The following MICU3 variants were observed in gnomAD, a reference collection of about 807,000 sequenced individuals.
The protein encoded by MICU3 is calcium uptake protein 3, mitochondrial.
Under a neutral mutation model 66.5 loss-of-function variants are expected in MICU3, and 62 were observed. That is an observed-to-expected ratio of 0.93 (90% CI 0.76 to 1.15). MICU3 has a LOEUF of 1.15. Among genes scored for constraint, MICU3 ranks in the 50% most tolerant of loss-of-function variants. The pLI is 0.00. For synonymous variants in MICU3, 308 were observed against 240.7 expected (o/e 1.28, Z -2.59); for missense variants, 779 against 664.4 (o/e 1.17, Z -1.90).
intron 1 of MICU3, among the ~76,000 whole-genome samples, chr8:17,043,456 G>A (rs1252916985): frequency 1.3e-5 from 2 of 152,276 alleles, no homozygotes; most frequent in Non-Finnish European, 2.9e-5. Flanking sequence ...ATTGAGAAAG[G>A]TTTTGAGATA....
chr8:17,041,611 G>A (rs1211633240), intron 1 of MICU3, among the ~76,000 whole-genome samples: 1 of 151,594 alleles, frequency 6.6e-6, no homozygotes, highest in Non-Finnish European at 1.5e-5. Flanking sequence ...TTTTTAAGAT[G>A]GAAGACCCTC....
chr8:17,130,098 A>T, the MICU3 span, among the ~76,000 whole-genome samples: 1 of 152,232 alleles, frequency 6.6e-6, no homozygotes, highest in African/African-American at 2.4e-5. Context: ...TGCACACTGG[A>T]AGAGTTAAAA....
At chr8:17,114,267 A>C (rs1802483307) in intron 12 of MICU3, 66 bp downstream of exon 12, 1 of 1,033,638 alleles carries the variant, frequency 9.7e-7, no homozygotes, top group Non-Finnish European at 1.4e-6. Flanking sequence ...AGATTTTGGC[A>C]ACCAATTAAT....
At chr8:17,087,430 A>G (rs919749010) in intron 7 of MICU3, among the ~76,000 whole-genome samples, 4 of 152,082 alleles carry the variant, frequency 2.6e-5, no homozygotes, top group East Asian at 1.9e-4. Flanking sequence ...ATAGAAGGAG[A>G]TGATATGTTT....
chr8:17,136,837 C>A, the MICU3 span, among the ~76,000 whole-genome samples: 2 of 140,370 alleles, frequency 1.4e-5, no homozygotes, highest in African/African-American at 5.2e-5. Flanking sequence ...GGAGATAAAC[C>A]TTTTTTTTTT....
chr8:17,135,132 G>A, the MICU3 span, among the ~76,000 whole-genome samples: 11 of 152,180 alleles, frequency 7.2e-5, no homozygotes, highest in African/African-American at 2.7e-4. Flanking sequence ...CAGGCGCAGT[G>A]GCTCATGCCT....
chr8:17,044,578 C>G (rs1814746554), intron 1 of MICU3, among the ~76,000 whole-genome samples: 1 of 152,154 alleles, frequency 6.6e-6, no homozygotes, highest in South Asian at 2.1e-4. Context: ...TTGACTGATT[C>G]ACAGTACTAC....
chr8:17,061,835 A>G lies in MICU3; in HGVS notation c.382-2249A>G, dbSNP rs375022906. On this transcript the variant is annotated intron_variant, in intron 1 of 14. Transcript: ENST00000318063. ...GTAGTCTGATCCCCGAGGACCATTC[A>G]GGGAGATGATTGCTCGTTTTTACCA... 1.5e-4 allele frequency among the ~76,000 whole-genome samples: 23 copies of G among 152,318 alleles called. 1 individual carries two copies. In the East Asian group the frequency reaches 3.9e-3, roughly 26 times the overall value.
chr8:17,068,923 GTGCTAATTCTTAGGCAGGCATTAAATA>G (rs1406716084), intron 2 of MICU3, among the ~76,000 whole-genome samples: 40 of 152,244 alleles, frequency 2.6e-4, no homozygotes, highest in African/African-American at 7.5e-4. Flanking sequence ...TGTAAACCTG[GTGCTAATTCTTAGGCAGGCATTAAATA>G]TTTACAGTGT....
At chr8:17,057,826 G>GTTGTTGTTC (rs952176011) in intron 1 of MICU3, among the ~76,000 whole-genome samples, 2 of 150,488 alleles carry the variant, frequency 1.3e-5, no homozygotes, top group South Asian at 4.2e-4. Context: ...TTCGTTTTTT[G>GTTGTTGTTC]TTGTTGTTCT....
rs1018154812 is a variant in MICU3, at chr8:17,121,590, C to A, written c.*1303C>A. The A allele has an allele frequency of 5.3e-5, 8 of 152,204 alleles. No individual in the cohort carries two copies. Among genetic ancestry groups the A allele is most frequent in the Admixed American group, 2.6e-4 (4 of 15,242 alleles). The allele number at this position is 152,204 out of a possible 1,614,324, so 9.4% of individuals were successfully genotyped here. On this transcript the variant is annotated 3_prime_UTR_variant, in exon 15 of 15. Coordinates refer to ENST00000318063, the MANE Select transcript of MICU3 (RefSeq NM_181723.3). ...TCTAAGACATATTTAATGTAGGTTA[C>A]ATACACTCCAACTATTACTTTGCTT...
At chr8:17,070,944 G>A (rs1819496824) in intron 3 of MICU3, among the ~76,000 whole-genome samples, 1 of 152,134 alleles carries the variant, frequency 6.6e-6, no homozygotes, top group Non-Finnish European at 1.5e-5. Context: ...GATATACTGG[G>A]TAAAGGGATG....
intron 3 of MICU3, among the ~76,000 whole-genome samples, chr8:17,072,489 T>G (rs1819743428): frequency 6.6e-6 from 1 of 151,158 alleles, no homozygotes; most frequent in South Asian, 2.1e-4. Context: ...AAAGCAAAAC[T>G]CAAAATTATT....
At chr8:17,106,338 C>T (rs1423164743) in intron 11 of MICU3, among the ~76,000 whole-genome samples, 1 of 150,538 alleles carries the variant, frequency 6.6e-6, no homozygotes, top group Non-Finnish European at 1.5e-5. Context: ...TCCATTTCCC[C>T]TAAGGAATGA....
chr8:17,034,312 G>A (rs1263321920), intron 1 of MICU3, among the ~76,000 whole-genome samples: 3 of 152,224 alleles, frequency 2.0e-5, no homozygotes, highest in African/African-American at 4.8e-5. Flanking sequence ...CATTGACAAT[G>A]TACGTAGTCA....
chr8:17,079,785 A>G (rs1194905350), intron 4 of MICU3, among the ~76,000 whole-genome samples: 1 of 152,086 alleles, frequency 6.6e-6, no homozygotes, highest in Non-Finnish European at 1.5e-5. Flanking sequence ...GTGAGCCACC[A>G]TGCCTGGCTA....
chr8:17,115,413 A>T (rs1042764036), intron 12 of MICU3, among the ~76,000 whole-genome samples: 1 of 152,312 alleles, frequency 6.6e-6, no homozygotes, highest in African/African-American at 2.4e-5. Context: ...GCTGTGATAA[A>T]TCTCATCAAC....
chr8:17,100,815 A>G (rs890399213), intron 9 of MICU3, among the ~76,000 whole-genome samples: 2 of 151,764 alleles, frequency 1.3e-5, no homozygotes. Context: ...AAAATCATAT[A>G]TAATAAATTC....
At chr8:17,028,792 C>T (rs1001034971) in intron 1 of MICU3, among the ~76,000 whole-genome samples, 1 of 152,122 alleles carries the variant, frequency 6.6e-6, no homozygotes, top group Non-Finnish European at 1.5e-5. Context: ...TCCACCCCCT[C>T]CCCCTTCACA....
Sources: gnomAD v4.1 joint callset for allele counts (sites outside exome capture counted in the v4.1 genomes callset) on GRCh38, gnomAD v4.1.1 for gene constraint, MANE v1.5 for transcripts, NCBI Gene and HGNC (gene_info 2026-07-23, HGNC 2026-07-21) for gene names.